XPO5: variants seen among roughly 807,000 people sequenced by gnomAD.
The protein encoded by XPO5 is exportin-5.
In XPO5, 46 loss-of-function variants were observed where a neutral mutation model predicts 160.6. The ratio of observed to expected loss-of-function variants is 0.29; its 90% CI spans 0.23 to 0.37. The LOEUF is 0.37. XPO5 is among the 10% of genes least tolerant of loss of function. XPO5 has a pLI of 1.00. For synonymous variants in XPO5, 537 were observed against 519.3 expected (o/e 1.03, Z -0.46); for missense variants, 1,090 against 1,463.9 (o/e 0.74, Z 4.17).
In XPO5 at chr6:43,525,194, T is replaced by C; in HGVS notation, c.3087A>G (p.Leu1029=). The C allele has an allele frequency of 6.3e-7, 1 of 1,579,906 alleles. No individual in the cohort carries two copies. The highest frequency in any genetic ancestry group is 8.6e-7 in the Non-Finnish European group (1 of 1,162,098). ...AGGCCAGGGAATTGAAGGCTGTAAT[T>C]AATAGCGCTGTACAAACATCCTGAA... ...MKHEDVCTAL[L]ITAFNSLAWK... is the part of the protein sequence containing the mutation. The change falls in exon 29 of 32, where the codon TTA becomes TTG. Residue 1029 remains leucine, a synonymous_variant. Transcript: ENST00000265351.
At chr6:43,573,847 G>A (rs1333786978) in intron 1 of XPO5, among the ~76,000 whole-genome samples, 5 of 139,780 alleles carry the variant, frequency 3.6e-5, no homozygotes, top group East Asian at 4.1e-4. Flanking sequence ...TTTTTGAGAC[G>A]GAGTCTCACT....
At chr6:43,570,371 GT>G (rs561853760) in intron 5 of XPO5, 130 bp downstream of exon 5, 2 of 629,064 alleles carry the variant, frequency 3.2e-6, no homozygotes, top group Non-Finnish European at 4.7e-6. Flanking sequence ...TCATTTCCTA[GT>G]TTTTTATTTT....
At chr6:43,524,170 G>A (rs1793383609) in intron 31 of XPO5, among the ~76,000 whole-genome samples, 165 bp from the exon 32 acceptor site, 1 of 152,128 alleles carries the variant, frequency 6.6e-6, no homozygotes, top group African/African-American at 2.4e-5. Flanking sequence ...TGACCGACAT[G>A]GAGAAACCCC....
In XPO5 at chr6:43,543,459, A is replaced by C. The variant is rs533782448; in HGVS notation, c.2342+3112T>G. Among the ~76,000 whole-genome samples, 41 of 142,634 alleles carry C rather than the reference A, an allele frequency of 2.9e-4. No homozygotes were observed. In the East Asian group the frequency reaches 7.7e-3, roughly 27 times the overall value. 93.6% of individuals were successfully genotyped at this position (142,634 alleles called of 152,430 possible). On this transcript the variant is annotated intron_variant, in intron 20 of 31. Transcript: ENST00000265351. ...CAGGATAAGATCGTGCCTCAAAAGT[A>C]AGTAAGTAAGTAAATAAATAAATAA...
intron 1 of XPO5, among the ~76,000 whole-genome samples, chr6:43,574,539 A>G (rs190720214): frequency 6.6e-6 from 1 of 151,868 alleles, no homozygotes; most frequent in East Asian, 1.9e-4. Flanking sequence ...TTCCAGCGTG[A>G]TGGTTCCAGA....
chr6:43,548,348 T>G lies in XPO5; in HGVS notation c.1973A>C (p.Gln658Pro), dbSNP rs1795065483. Residue 658 changes from glutamine (Q) to proline (P), a missense_variant, in exon 18 of 32, where the codon CAA becomes CCA. This residue lies in a region of XPO5 where 810 missense variants were observed against 1,139.0 expected (regional missense o/e 0.71). Coordinates refer to ENST00000265351, the MANE Select transcript of XPO5 (RefSeq NM_020750.3). ...LMEALVLISN[Q>P]FKNYERQKVF... Reference sequence around the variant, plus strand: ...CTTCTGACGCTCGTAGTTCTTAAATTGGTTGCTAATGAGAACCAGGGCTTC... The same window carrying G: ...CTTCTGACGCTCGTAGTTCTTAAATGGGTTGCTAATGAGAACCAGGGCTTC... The G allele has an allele frequency of 6.2e-7, 1 of 1,613,736 alleles. No individual in the cohort carries two copies. Among genetic ancestry groups the G allele is most frequent in the African/African-American group, 1.3e-5 (1 of 75,034 alleles).
At position 43,546,856 on chromosome 6, in the gene XPO5, CAG is replaced by C. The variant is rs1463630300; in HGVS notation, c.2161-106_2161-105del. The stretch of plus-strand genomic sequence containing the variant: ...GTTCTGGCAAAAGTGACACAGAGGC[CAG>C]AGAGAATGAAATAATCCTCTGCTCC... On this transcript the variant is annotated intron_variant, in intron 19 of 31. Coordinates refer to ENST00000265351, the MANE Select transcript of XPO5 (RefSeq NM_020750.3). 4 of 1,141,502 alleles carry C rather than the reference CAG, an allele frequency of 3.5e-6. No homozygotes were observed. The African/African-American group carries it at 6.3e-5, about 18-fold the overall frequency. 70.7% of individuals were successfully genotyped at this position (1,141,502 alleles called of 1,614,324 possible).
chr6:43,565,519 C>G (rs1242596477), intron 8 of XPO5, 141 bp downstream of exon 8: 1 of 634,476 alleles, frequency 1.6e-6, no homozygotes, highest in Non-Finnish European at 2.5e-6. Context: ...GAGCCAAGAT[C>G]GCGCCACTGC....
At chr6:43,562,994 C>A (rs1420037172) in intron 8 of XPO5, among the ~76,000 whole-genome samples, 1 of 152,124 alleles carries the variant, frequency 6.6e-6, no homozygotes, top group Non-Finnish European at 1.5e-5. Context: ...GTGCCTCATA[C>A]CTTTTCATTT....
intron 20 of XPO5, chr6:43,539,386 A>C (rs1794554964): frequency 1.9e-6 from 3 of 1,578,838 alleles, no homozygotes; most frequent in South Asian, 2.2e-5. Flanking sequence ...TAATCTTCAA[A>C]ACCTCATCCT....
intron 13 of XPO5, 21 bp from the exon 14 acceptor site, chr6:43,553,524 CAT>C (rs775283344): frequency 2.3e-4 from 342 of 1,519,264 alleles, no homozygotes; most frequent in South Asian, 1.9e-3. Context: ...CACACACACA[CAT>C]ACACACACAC....
chr6:43,538,076 T>C (rs537849379), intron 20 of XPO5, among the ~76,000 whole-genome samples: 2 of 84,976 alleles, frequency 2.4e-5, no homozygotes, highest in African/African-American at 1.2e-4. Flanking sequence ...CAGAACAAGA[T>C]GGTCTCAAAA....
chr6:43,534,055 G>GA (rs746121916), intron 20 of XPO5, 48 bp from the exon 21 acceptor site: 2 of 1,454,528 alleles, frequency 1.4e-6, no homozygotes, highest in Non-Finnish European at 1.9e-6. Flanking sequence ...GATGCAGAAG[G>GA]AAAGAGTGGG....
Position 43,522,793 on chromosome 6 carries a change from C to A in XPO5, c.*1075G>T. On this transcript the variant is annotated 3_prime_UTR_variant, in exon 32 of 32. Transcript: ENST00000265351. ...ACACTGGTTTCTGTATGGATTAACTCTGCCTTACGGCCAGTAATAACCTCA... is the reference window on the plus strand; with the variant it reads ...ACACTGGTTTCTGTATGGATTAACTATGCCTTACGGCCAGTAATAACCTCA... The A allele has an allele frequency of 2.4e-6, 1 of 424,234 alleles. No individual in the cohort carries two copies. Among genetic ancestry groups the A allele is most frequent in the African/African-American group, 2.0e-5 (1 of 49,266 alleles). The allele number at this position is 424,234 out of a possible 1,614,324, so 26.3% of individuals were successfully genotyped here. A position where few individuals can be genotyped will look rare whatever the true frequency, so the allele number is the denominator to read the frequency against.
At chr6:43,539,086 G>T (rs528882729) in intron 20 of XPO5, 3 of 1,361,346 alleles carry the variant, frequency 2.2e-6, no homozygotes, top group Non-Finnish European at 3.1e-6. Context: ...GCACAGGTGC[G>T]GAGACAATGC....
intron 27 of XPO5, 45 bp from the exon 28 acceptor site, chr6:43,525,966 GAGA>G (rs748122643): frequency 4.1e-5 from 65 of 1,599,394 alleles, no homozygotes; most frequent in Non-Finnish European, 4.5e-5. Flanking sequence ...TTTCAGAACA[GAGA>G]AGAATATCTT....
At chr6:43,533,255 C>CACACACACACACACAG (rs1794111230) in intron 21 of XPO5, 1 of 142,890 alleles carries the variant, frequency 7.0e-6, no homozygotes, top group Non-Finnish European at 1.5e-5. Context: ...CACACACACA[C>CACACACACACACACAG]ACACACACGA....
At chr6:43,553,742 G>A (rs1761854619) in intron 13 of XPO5, 13 of 724,432 alleles carry the variant, frequency 1.8e-5, no homozygotes, top group South Asian at 3.5e-5. Context: ...AACAATGAGC[G>A]GTCTGAATTC....
chr6:43,530,422 CAAAAAA>C (rs780873253), intron 23 of XPO5, among the ~76,000 whole-genome samples: 1 of 130,242 alleles, frequency 7.7e-6, no homozygotes, highest in Admixed American at 7.9e-5. Context: ...AAGACTGTCT[CAAAAAA>C]AAAAAAAAGT....
Sources: allele counts gnomAD v4.1 joint callset (sites outside exome capture counted in the v4.1 genomes callset), GRCh38; gene constraint gnomAD v4.1.1; regional missense constraint gnomAD v4.1.1; transcripts MANE v1.5; gene names NCBI Gene and HGNC (gene_info 2026-07-23, HGNC 2026-07-21).